Variants in TAB3 observed in about 807,000 individuals in gnomAD.
The protein encoded by TAB3 is TGF-beta activated kinase 1 (MAP3K7) binding protein 3, also known as TGF-beta-activated kinase 1 and MAP3K7-binding protein 3.
A neutral mutation model predicts 48.1 loss-of-function variants in TAB3; 18 were observed. The ratio of observed to expected loss-of-function variants is 0.37; its 90% CI spans 0.26 to 0.55. The LOEUF (loss-of-function observed/expected upper bound fraction) is 0.55. Among genes scored for constraint, TAB3 ranks in the 20% least tolerant of loss-of-function variants. The pLI is 0.78. For synonymous variants in TAB3, 185 were observed against 190.2 expected (o/e 0.97, Z 0.22); for missense variants, 414 against 549.8 (o/e 0.75, Z 2.47).
At chrX:30,885,324 A>T (rs1311723363) in intron 1 of TAB3, among the ~76,000 whole-genome samples, 1 of 112,483 alleles carries the variant, frequency 8.9e-6, no homozygotes, top group African/African-American at 3.2e-5. Flanking sequence ...AATGTCCAAA[A>T]GGTTACAGAA....
intron 9 of TAB3, among the ~76,000 whole-genome samples, chrX:30,837,759 C>G (rs1487952693): frequency 8.9e-6 from 1 of 111,894 alleles, no homozygotes; most frequent in Non-Finnish European, 1.9e-5. Flanking sequence ...AACTTTTATA[C>G]CTAAATTGCA....
intron 8 of TAB3, chrX:30,845,897 C>G (rs1038449767): frequency 5.3e-5 from 43 of 807,952 alleles, no homozygotes; most frequent in Non-Finnish European, 6.3e-5. Flanking sequence ...GGTAAGCAGA[C>G]AATTCAACCG....
At chrX:30,847,411 T>TGAA (rs1938663439) in intron 7 of TAB3, among the ~76,000 whole-genome samples, 1 of 109,184 alleles carries the variant, frequency 9.2e-6, no homozygotes, top group Non-Finnish European at 1.9e-5. Context: ...CACTGAAATG[T>TGAA]GAAGAGAGTC....
intron 5 of TAB3, among the ~76,000 whole-genome samples, chrX:30,858,219 A>C (rs1434376617): frequency 5.3e-5 from 6 of 112,174 alleles, no homozygotes; most frequent in Non-Finnish European, 1.1e-4. Context: ...TAAAGGGCTA[A>C]GTGAAATAAA....
intron 7 of TAB3, among the ~76,000 whole-genome samples, chrX:30,849,678 T>C (rs1027545498): frequency 7.1e-5 from 8 of 112,437 alleles, no homozygotes; most frequent in African/African-American, 2.6e-4. Flanking sequence ...AAATCAGATA[T>C]AGCCAGTGAG....
At chrX:30,848,800 C>CT (rs763935112) in intron 7 of TAB3, among the ~76,000 whole-genome samples, 1 of 111,296 alleles carries the variant, frequency 9.0e-6, no homozygotes, top group African/African-American at 3.3e-5. Context: ...AAATGGTAAG[C>CT]TTTTTTTCCA....
intron 4 of TAB3, among the ~76,000 whole-genome samples, chrX:30,865,157 C>T (rs760995460): frequency 1.8e-5 from 2 of 112,050 alleles, no homozygotes; most frequent in African/African-American, 3.2e-5. Context: ...AAGAATTCCT[C>T]GTCATGCAAG....
chrX:30,854,420 A>G lies in TAB3; in HGVS notation c.1245T>C (p.Ser415=). ...PPSSSPSRGI[S]SQPKPPFSVN... is the part of the protein sequence containing the mutation. Reference sequence around the variant, plus strand: ...CACTAAATGGAGGTTTTGGTTGACTAGATATCCCTCTTGAAGGAGAACTTG... The same window carrying G: ...CACTAAATGGAGGTTTTGGTTGACTGGATATCCCTCTTGAAGGAGAACTTG... Residue 415 remains serine, a synonymous_variant, in exon 6 of 11, where the codon TCT becomes TCC. Coordinates refer to ENST00000288422, the MANE Select transcript of TAB3 (RefSeq NM_152787.5). 1 of 1,211,588 alleles carries G rather than the reference A, an allele frequency of 8.3e-7. No individual in the cohort carries two copies. Among genetic ancestry groups the G allele is most frequent in the Non-Finnish European group, 1.1e-6 (1 of 895,280 alleles).
At chrX:30,852,507 C>T (rs142648955) in intron 7 of TAB3, among the ~76,000 whole-genome samples, 1 of 111,686 alleles carries the variant, frequency 9.0e-6, no homozygotes, top group African/African-American at 3.2e-5. Flanking sequence ...TCTATTTTGA[C>T]AGCAATTTAC....
intron 10 of TAB3, among the ~76,000 whole-genome samples, chrX:30,832,371 T>G (rs1314881469): frequency 8.9e-6 from 1 of 111,832 alleles, no homozygotes; most frequent in Non-Finnish European, 1.9e-5. Flanking sequence ...AGAGTTAACC[T>G]GTAATTTCTG....
chrX:30,852,967 G>C, intron 6 of TAB3, 29 bp from the exon 7 acceptor site: 1 of 1,201,046 alleles, frequency 8.3e-7, no homozygotes, highest in Non-Finnish European at 1.1e-6. Flanking sequence ...TGTCATTGCA[G>C]AGAACAACAT....
intron 9 of TAB3, among the ~76,000 whole-genome samples, chrX:30,841,931 C>T (rs1319944316): frequency 8.9e-6 from 1 of 111,870 alleles, no homozygotes; most frequent in Non-Finnish European, 1.9e-5. Flanking sequence ...GCCTTAGCCA[C>T]CTGAGTAGCT....
In TAB3 at chrX:30,830,728, T is replaced by C. The variant is rs1937998761; in HGVS notation, c.*699A>G. 8.9e-6 allele frequency: 1 copy of C among 112,297 alleles called. No individual in the cohort carries two copies. The highest frequency in any genetic ancestry group is 9.5e-5 in the Admixed American group (1 of 10,528). 9.3% of individuals were successfully genotyped at this position (112,297 alleles called of 1,213,427 possible). On this transcript the variant is annotated 3_prime_UTR_variant, in exon 11 of 11. Transcript: ENST00000288422. ...AGTTACCAGTGTTGATAGAGCTCGA[T>C]GAATCACACTGTACAAGCCAAAGGC...
At chrX:30,862,120 C>T (rs761991223) in intron 4 of TAB3, among the ~76,000 whole-genome samples, 90 of 112,135 alleles carry the variant, frequency 8.0e-4, no homozygotes, top group Non-Finnish European at 1.5e-3. Flanking sequence ...TGGCCTAGCA[C>T]AGGCTAGCTG....
At chrX:30,852,265 G>C (rs972553394) in intron 7 of TAB3, among the ~76,000 whole-genome samples, 1 of 111,733 alleles carries the variant, frequency 8.9e-6, no homozygotes, top group African/African-American at 3.3e-5. Context: ...AATCAATACT[G>C]TTATCTCAGT....
chrX:30,848,140 G>GT (rs1424886324), intron 7 of TAB3, among the ~76,000 whole-genome samples: 16 of 112,008 alleles, frequency 1.4e-4, no homozygotes, highest in African/African-American at 2.9e-4. Context: ...TATTCCATAG[G>GT]TTTTAGGGAG....
intron 1 of TAB3, among the ~76,000 whole-genome samples, chrX:30,882,367 G>A (rs948597550): frequency 3.6e-5 from 4 of 111,915 alleles, no homozygotes; most frequent in African/African-American, 1.3e-4. Flanking sequence ...TTTTTTAATA[G>A]GAAGAATGAC....
intron 4 of TAB3, among the ~76,000 whole-genome samples, chrX:30,864,336 G>A (rs1298985674): frequency 8.9e-6 from 1 of 112,238 alleles, no homozygotes; most frequent in Non-Finnish European, 1.9e-5. Flanking sequence ...TGTCAGCTTT[G>A]TGAGGATTCT....
chrX:30,858,491 CCT>C (rs1423858088), intron 5 of TAB3, among the ~76,000 whole-genome samples: 2 of 111,658 alleles, frequency 1.8e-5, no homozygotes, highest in African/African-American at 3.3e-5. Flanking sequence ...AAAGGAAGCA[CCT>C]CTGTTACCAT....
Sources: allele counts gnomAD v4.1 joint callset (sites outside exome capture counted in the v4.1 genomes callset), GRCh38; gene constraint gnomAD v4.1.1; transcripts MANE v1.5; gene names NCBI Gene and HGNC (gene_info 2026-07-23, HGNC 2026-07-21).